Variants in TRPS1 observed in about 807,000 individuals in gnomAD.
TRPS1 encodes transcriptional repressor GATA binding 1, also known as zinc finger transcription factor Trps1.
TRPS1 carries 6 observed loss-of-function variants against 101.2 expected under a neutral mutation model. The ratio of observed to expected loss-of-function variants is 0.06; its 90% CI spans 0.03 to 0.12. The LOEUF is 0.12. TRPS1 is among the 10% of genes least tolerant of loss of function. The pLI is 1.00. For synonymous variants in TRPS1, 578 were observed against 589.8 expected, an observed-to-expected ratio of 0.98 and a Z score of 0.29; for missense variants, 1,363 against 1,567.0, an observed-to-expected ratio of 0.87 and a Z score of 2.20.
At chr8:115,525,583 G>A (rs1815976566) in intron 5 of TRPS1, among the ~76,000 whole-genome samples, 1 of 152,062 alleles carries the variant, frequency 6.6e-6, no homozygotes, top group Non-Finnish European at 1.5e-5. Flanking sequence ...TGATTATTTA[G>A]CAGATTCCTG....
chr8:115,589,056 T>C (rs142008279), intron 4 of TRPS1, among the ~76,000 whole-genome samples: 100 of 152,170 alleles, frequency 6.6e-4, no homozygotes, highest in Non-Finnish European at 1.3e-3. Context: ...GAGGGAGATA[T>C]ATGAAATCAA....
At chr8:115,580,830 C>T (rs1817430460) in intron 5 of TRPS1, among the ~76,000 whole-genome samples, 1 of 151,990 alleles carries the variant, frequency 6.6e-6, no homozygotes, top group African/African-American at 2.4e-5. Flanking sequence ...CTATGGAGAA[C>T]AGTATGGAGG....
intron 5 of TRPS1, among the ~76,000 whole-genome samples, chr8:115,481,191 A>T (rs576541713): frequency 6.6e-6 from 1 of 152,278 alleles, no homozygotes; most frequent in African/African-American, 2.4e-5. Flanking sequence ...CCGTTTACAG[A>T]TCAGATATTT....
At chr8:115,523,208 G>C (rs188865605) in intron 5 of TRPS1, among the ~76,000 whole-genome samples, 1 of 152,086 alleles carries the variant, frequency 6.6e-6, no homozygotes, top group Non-Finnish European at 1.5e-5. Flanking sequence ...TAAAGGACCG[G>C]GAAAGGCAAG....
intron 2 of TRPS1, among the ~76,000 whole-genome samples, chr8:115,621,927 A>ACAAAAG (rs1340831291): frequency 6.6e-6 from 1 of 151,924 alleles, no homozygotes. Context: ...AAAAAAAAAA[A>ACAAAAG]CAAAAGCAAA....
chr8:115,424,699 T>C (rs528627223), intron 5 of TRPS1, among the ~76,000 whole-genome samples: 77 of 152,330 alleles, frequency 5.1e-4, no homozygotes, highest in Non-Finnish European at 8.1e-4. Flanking sequence ...TGTGCTCCTT[T>C]GTAAAAACGT....
At chr8:115,641,097 T>C (rs1818884767) in intron 1 of TRPS1, among the ~76,000 whole-genome samples, 1 of 152,242 alleles carries the variant, frequency 6.6e-6, no homozygotes, top group Non-Finnish European at 1.5e-5. Flanking sequence ...GTGATTATCC[T>C]TCTGGAACTA....
intron 5 of TRPS1, among the ~76,000 whole-genome samples, chr8:115,571,254 CTTCAGACAATT>C (rs1291135116): frequency 7.2e-5 from 11 of 152,136 alleles, no homozygotes; most frequent in Non-Finnish European, 1.6e-4. Context: ...TATAATACAT[CTTCAGACAATT>C]TTCAAAAGAA....
rs148666868 is a variant in TRPS1, at chr8:115,436,166, T to G, written c.2701-17714A>C. Among the ~76,000 whole-genome samples, 11 of 152,258 alleles carry G rather than the reference T, an allele frequency of 7.2e-5. No individual in the cohort carries two copies. The East Asian group carries it at 2.1e-3, about 29-fold the overall frequency. On this transcript the variant is annotated intron_variant, in intron 5 of 6. Transcript: ENST00000395715. Reference sequence around the variant, plus strand: ...GGCAGAAAATACAACTCACATTGTATGACTATGAAGGAAATCTTCTGACTC... The same window carrying G: ...GGCAGAAAATACAACTCACATTGTAGGACTATGAAGGAAATCTTCTGACTC...
chr8:115,643,308 G>A (rs1248990507), intron 1 of TRPS1, among the ~76,000 whole-genome samples: 1 of 152,160 alleles, frequency 6.6e-6, no homozygotes, highest in Non-Finnish European at 1.5e-5. Context: ...AATGCCACTT[G>A]ATAGCATTTT....
In TRPS1 at chr8:115,640,945, G is replaced by A. The variant is rs188661615; in HGVS notation, c.-121-17187C>T. ...TCAGGTATTTGGCAGCCAGCAGGTC[G>A]GAAGCAATTCAATTGCTTAAACCTG... is the stretch of plus-strand genomic sequence containing the variant. On this transcript the variant is annotated intron_variant, in intron 1 of 6. Transcript: ENST00000395715. Among the ~76,000 whole-genome samples, 179 of 152,250 alleles carry A rather than the reference G, an allele frequency of 1.2e-3. 1 individual carries two copies. The highest frequency in any genetic ancestry group is 4.2e-3 in the African/African-American group (176 of 41,542).
chr8:115,414,586 A>G lies in TRPS1; in HGVS notation c.3322T>C (p.Phe1108Leu), dbSNP rs1413157599. 2 of 1,613,960 alleles carry G rather than the reference A, an allele frequency of 1.2e-6. No individual in the cohort carries two copies. The highest frequency in any genetic ancestry group is 3.3e-5 in the Admixed American group (2 of 59,968). ...TCATTATGTACAAAGGGAAGTCCAAAAAGTGGGTACTGGTACTTTTCAATA... is the reference window on the plus strand; with the variant it reads ...TCATTATGTACAAAGGGAAGTCCAAGAAGTGGGTACTGGTACTTTTCAATA... ...SPIEKYQYPL[F>L]GLPFVHNDFQ... The change falls in exon 7 of 7, where the codon TTT (phenylalanine) becomes CTT (leucine). Residue 1108 changes from phenylalanine (F) to leucine (L), a missense_variant. This residue lies in a region of TRPS1 where 307 missense variants were observed against 392.4 expected (regional missense o/e 0.78). Coordinates refer to ENST00000395715, the MANE Select transcript of TRPS1 (RefSeq NM_014112.5). The surrounding 1 kb of genome is among the most constrained non-coding windows in gnomAD (Gnocchi z 4.8).
At chr8:115,538,606 A>AG (rs1816379014) in intron 5 of TRPS1, among the ~76,000 whole-genome samples, 1 of 151,674 alleles carries the variant, frequency 6.6e-6, no homozygotes, top group Non-Finnish European at 1.5e-5. Flanking sequence ...AAAAAAAAAA[A>AG]TGAGCTTCCA....
At chr8:115,625,096 A>T (rs548327287) in intron 1 of TRPS1, among the ~76,000 whole-genome samples, 1 of 152,152 alleles carries the variant, frequency 6.6e-6, no homozygotes, top group East Asian at 1.9e-4. Context: ...CATCAGCTCA[A>T]CACAGGTGAA....
At chr8:115,646,589 C>T (rs1011539649) in intron 1 of TRPS1, among the ~76,000 whole-genome samples, 6 of 152,120 alleles carry the variant, frequency 3.9e-5, no homozygotes, top group Non-Finnish European at 7.4e-5. Context: ...GCCCCCCATA[C>T]TCTAGGACTT....
chr8:115,630,614 C>A (rs1818618129), intron 1 of TRPS1, among the ~76,000 whole-genome samples: 1 of 151,872 alleles, frequency 6.6e-6, no homozygotes, highest in Non-Finnish European at 1.5e-5. Context: ...ATATTCTAAC[C>A]TGAATTTCTA....
intron 1 of TRPS1, among the ~76,000 whole-genome samples, chr8:115,637,039 G>T (rs1440429859): frequency 6.6e-6 from 1 of 151,938 alleles, no homozygotes; most frequent in Admixed American, 6.6e-5. Context: ...AATAACCAAC[G>T]TGGTCAATGG....
At chr8:115,580,939 A>C (rs1394736917) in intron 5 of TRPS1, among the ~76,000 whole-genome samples, 2 of 152,098 alleles carry the variant, frequency 1.3e-5, no homozygotes, top group Non-Finnish European at 2.9e-5. Context: ...TTAAAGAGAC[A>C]CCTGTACCCC....
intron 5 of TRPS1, among the ~76,000 whole-genome samples, chr8:115,426,644 G>C (rs2129807972): frequency 6.6e-6 from 1 of 152,064 alleles, no homozygotes; most frequent in Admixed American, 6.6e-5. Context: ...CACACTCTTG[G>C]GGATCATACA....
Sources: allele counts gnomAD v4.1 joint callset (sites outside exome capture counted in the v4.1 genomes callset), GRCh38; gene constraint gnomAD v4.1.1; regional missense constraint gnomAD v4.1.1; non-coding constraint Gnocchi (gnomAD v3.1); transcripts MANE v1.5; gene names NCBI Gene and HGNC (gene_info 2026-07-23, HGNC 2026-07-21).